The following MTUS1 variants were observed in gnomAD, a reference collection of about 807,000 sequenced individuals.
MTUS1 encodes microtubule-associated tumor suppressor 1.
Under a neutral mutation model 120.8 loss-of-function variants are expected in MTUS1, and 109 were observed. The ratio of observed to expected loss-of-function variants is 0.90; its 90% CI spans 0.77 to 1.06. The LOEUF is 1.06. Ranked by LOEUF, MTUS1 falls within the 50% of genes least tolerant of loss-of-function variation. The pLI, the probability that MTUS1 is intolerant of heterozygous loss-of-function variation, is 0.00. For missense variants in MTUS1, 2,210 were observed against 1,486.3 expected (o/e 1.49, Z -8.01); for synonymous variants, 737 against 550.5 (o/e 1.34, Z -4.74).
chr8:17,723,577 C>T, intron 4 of MTUS1, 95 bp downstream of exon 4: 1 of 1,386,532 alleles, frequency 7.2e-7, no homozygotes, highest in Non-Finnish European at 1.0e-6. Flanking sequence ...TTCCTGAAAC[C>T]CCAGAAACAA....
chr8:17,700,024 G>A (rs1206233267), intron 6 of MTUS1, among the ~76,000 whole-genome samples: 1 of 152,042 alleles, frequency 6.6e-6, no homozygotes. Flanking sequence ...ACGAATGTGA[G>A]AAGTACCTAA....
chr8:17,646,464 T>C (rs1805813445), intron 14 of MTUS1, among the ~76,000 whole-genome samples: 1 of 152,102 alleles, frequency 6.6e-6, no homozygotes, highest in Non-Finnish European at 1.5e-5. Context: ...GACATGTGCC[T>C]GTAGTCCCAG....
At chr8:17,713,282 A>G (rs2131018164) in intron 5 of MTUS1, 30 bp from the exon 6 acceptor site, 1 of 1,297,432 alleles carries the variant, frequency 7.7e-7, no homozygotes, top group South Asian at 1.3e-5. Flanking sequence ...TGTAAAATAC[A>G]TATGTTTTAT....
At chr8:17,711,865 T>C (rs1174099347) in intron 6 of MTUS1, among the ~76,000 whole-genome samples, 1 of 152,174 alleles carries the variant, frequency 6.6e-6, no homozygotes, top group Non-Finnish European at 1.5e-5. Flanking sequence ...TTCAATATTA[T>C]TGTGTCTCAG....
intron 3 of MTUS1, among the ~76,000 whole-genome samples, chr8:17,730,900 G>C (rs2046530333): frequency 6.6e-6 from 1 of 152,108 alleles, no homozygotes; most frequent in Admixed American, 6.5e-5. Flanking sequence ...ATGGAGGATG[G>C]CTGCAAAAAA....
chr8:17,672,939 G>C (rs1358479405), intron 8 of MTUS1, among the ~76,000 whole-genome samples: 1 of 152,212 alleles, frequency 6.6e-6, no homozygotes, highest in Non-Finnish European at 1.5e-5. Flanking sequence ...AATGTAAAAA[G>C]AGCATCCTTC....
chr8:17,735,353 G>A (rs1053246826), intron 3 of MTUS1, among the ~76,000 whole-genome samples: 2 of 151,924 alleles, frequency 1.3e-5, no homozygotes, highest in Non-Finnish European at 2.9e-5. Flanking sequence ...AACAGAAGTG[G>A]CCAGACACTC....
At chr8:17,663,620 G>C (rs1186110762) in intron 8 of MTUS1, among the ~76,000 whole-genome samples, 1 of 151,176 alleles carries the variant, frequency 6.6e-6, no homozygotes, top group Non-Finnish European at 1.5e-5. Flanking sequence ...TTTTGAGACA[G>C]AGGCTTCCTC....
At chr8:17,658,178 C>T (rs1051900348) in intron 8 of MTUS1, among the ~76,000 whole-genome samples, 4 of 152,004 alleles carry the variant, frequency 2.6e-5, no homozygotes, top group East Asian at 1.9e-4. Context: ...GCTGGGATTA[C>T]GGCACATGCC....
intron 12 of MTUS1, 151 bp downstream of exon 12, chr8:17,653,035 C>T: frequency 1.9e-6 from 1 of 528,816 alleles, no homozygotes. Context: ...GTAAGCAAAG[C>T]AGTTGTTTTA....
chr8:17,704,826 T>C (rs564701499), intron 6 of MTUS1, among the ~76,000 whole-genome samples: 7 of 152,276 alleles, frequency 4.6e-5, no homozygotes, highest in Admixed American at 2.0e-4. Context: ...TTGATAGGGA[T>C]TGCACTGAAT....
At chr8:17,704,833 G>C (rs1819828728) in intron 6 of MTUS1, among the ~76,000 whole-genome samples, 1 of 152,090 alleles carries the variant, frequency 6.6e-6, no homozygotes, top group East Asian at 1.9e-4. Context: ...GGATTGCACT[G>C]AATCTGTAGA....
intron 1 of MTUS1, among the ~76,000 whole-genome samples, chr8:17,758,420 G>T (rs10108034): frequency 0.02 from 3,121 of 152,262 alleles, 90 homozygotes; most frequent in African/African-American, 0.071. Context: ...TATACTGATG[G>T]AAAGTGTAAA....
chr8:17,686,910 T>C (rs1318187734), intron 6 of MTUS1, among the ~76,000 whole-genome samples: 3 of 152,192 alleles, frequency 2.0e-5, no homozygotes, highest in South Asian at 2.1e-4. Context: ...AAGTTAAATA[T>C]AAGAAGTAAA....
chr8:17,740,461 C>A (rs930653169), intron 3 of MTUS1, among the ~76,000 whole-genome samples: 2 of 152,214 alleles, frequency 1.3e-5, no homozygotes, highest in African/African-American at 4.8e-5. Context: ...CTAATACACA[C>A]AGACACTTCA....
rs1822798792 is a variant in MTUS1, at chr8:17,718,700, T to G, written c.2450-2799A>C. ...GTTTAAAACTGCCCCTTTGTCATCT[T>G]TGGTCCCAACTGTCTCAATTATGCC... On this transcript the variant is annotated intron_variant, in intron 4 of 14. Coordinates refer to ENST00000693296, the MANE Select transcript of MTUS1 (RefSeq NM_001363059.2). Among the ~76,000 whole-genome samples the G allele has an allele frequency of 3.3e-5, 5 of 152,006 alleles. No homozygotes were observed. The South Asian group carries it at 1.0e-3, about 32-fold the overall frequency.
At chr8:17,773,004 C>T (rs1246335227) in intron 1 of MTUS1, among the ~76,000 whole-genome samples, 1 of 152,136 alleles carries the variant, frequency 6.6e-6, no homozygotes, top group Non-Finnish European at 1.5e-5. Context: ...ATTATCCTTC[C>T]TTTCCATATT....
At chr8:17,757,367 T>G (rs952409871) in intron 1 of MTUS1, among the ~76,000 whole-genome samples, 21 of 152,208 alleles carry the variant, frequency 1.4e-4, no homozygotes, top group Non-Finnish European at 2.8e-4. Context: ...CTAAAGTGGC[T>G]GCTAATTGGG....
chr8:17,734,265 C>T (rs147722314), intron 3 of MTUS1: 117 of 152,288 alleles, frequency 7.7e-4, no homozygotes, highest in African/African-American at 2.7e-3. Flanking sequence ...TTCAGTAACA[C>T]TCTAGATTTA....
Sources: gnomAD v4.1 joint callset for allele counts (sites outside exome capture counted in the v4.1 genomes callset) on GRCh38, gnomAD v4.1.1 for gene constraint, MANE v1.5 for transcripts, NCBI Gene and HGNC (gene_info 2026-07-23, HGNC 2026-07-21) for gene names.